Variants in TP53I3 observed in about 807,000 individuals in gnomAD.
The protein encoded by TP53I3 is quinone oxidoreductase PIG3.
In TP53I3, 32 loss-of-function variants were observed where a neutral mutation model predicts 27.7. The ratio of observed to expected loss-of-function variants is 1.16; its 90% confidence interval spans 0.87 to 1.55. The LOEUF (loss-of-function observed/expected upper bound fraction) is 1.55. Ranked by LOEUF, TP53I3 falls within the 40% of genes most tolerant of loss-of-function variation. The pLI, the probability that TP53I3 is intolerant of heterozygous loss-of-function variation, is 0.00. For missense variants in TP53I3, 372 were observed against 412.3 expected (o/e 0.90, Z 0.85); for synonymous variants, 138 against 167.8 (o/e 0.82, Z 1.37).
chr2:24,078,403 C>A (rs533431742), intron 4 of TP53I3, among the ~76,000 whole-genome samples: 1 of 151,272 alleles, frequency 6.6e-6, no homozygotes, highest in South Asian at 2.1e-4. Context: ...GGTGGTATGC[C>A]TTCAGTCTTA....
rs1664798896 is a variant in TP53I3 at position 24,077,452 on chromosome 2, T to A, written c.*127A>T. On this transcript the variant is annotated 3_prime_UTR_variant, in exon 5 of 5. Coordinates refer to ENST00000238721, the MANE Select transcript of TP53I3 (RefSeq NM_004881.5). This position sits in a 1 kb window ranked among gnomAD's most constrained non-coding sequence, Gnocchi z 5.5. ...CCACCCTTCCAGTTCACTCTTTATT[T>A]CCTCATATCAGCTTTAAACGGCTCT... 1 of 1,150,068 alleles carries A rather than the reference T, an allele frequency of 8.7e-7. No individual in the cohort carries two copies. The highest frequency in any genetic ancestry group is 1.2e-6 in the Non-Finnish European group (1 of 855,622). 71.2% of individuals were successfully genotyped at this position (1,150,068 alleles called of 1,614,324 possible).
intron 2 of TP53I3, 92 bp from the exon 3 acceptor site, chr2:24,081,123 C>T: frequency 1.1e-6 from 1 of 887,618 alleles, no homozygotes; most frequent in Non-Finnish European, 1.5e-6. Context: ...GGCCGTTGCA[C>T]CAAATGCCAA....
At chr2:24,078,861 T>C (rs1008842518) in intron 4 of TP53I3, 13 of 151,686 alleles carry the variant, frequency 8.6e-5, no homozygotes, top group African/African-American at 2.7e-4. Context: ...CCAGATGGAA[T>C]ATTTCAGGAG....
In TP53I3 at chr2:24,079,546, A is replaced by G. The variant is rs538901173; in HGVS notation, c.714T>C (p.Tyr238=). The change falls in exon 4 of 5, where the codon TAT becomes TAC. Residue 238 remains tyrosine (Y), a synonymous_variant. Transcript: ENST00000238721. ...CLALDGRWVL[Y]GLMGGGDING... ...TGATGTCACCTCCTCCCATCAGACC[A>G]TAGAGAACCCATCGACCATCAAGAG... 2 of 1,614,142 alleles carry G rather than the reference A, an allele frequency of 1.2e-6. No homozygotes were observed. The highest frequency in any genetic ancestry group is 1.3e-5 in the African/African-American group (1 of 75,030).
At chr2:24,079,747 A>G (rs1055291716) in intron 3 of TP53I3, 107 bp from the exon 4 acceptor site, 18 of 1,072,054 alleles carry the variant, frequency 1.7e-5, no homozygotes, top group African/African-American at 8.0e-5. Flanking sequence ...TGGTAAATCT[A>G]TAGGTTGGAA....
At position 24,080,701 on chromosome 2, in the gene TP53I3, G is replaced by A. The variant is rs1392381118; in HGVS notation, c.619+118C>T. ...ATAGTACTAGAATTTGGCCAGGGCA[G>A]CTGTTGTGCACTTAGCAGAGGTAAG... On this transcript the variant is annotated intron_variant, in intron 3 of 4. Coordinates refer to ENST00000238721, the MANE Select transcript of TP53I3 (RefSeq NM_004881.5). The surrounding 1 kb of genome is among the most constrained non-coding windows in gnomAD (Gnocchi z 4.7). The A allele has an allele frequency of 8.1e-7, 1 of 1,233,402 alleles. No homozygotes were observed. The highest frequency in any genetic ancestry group is 1.2e-6 in the Non-Finnish European group (1 of 859,610). 76.4% of individuals were successfully genotyped at this position (1,233,402 alleles called of 1,614,324 possible). A position where few individuals can be genotyped will look rare whatever the true frequency, so the allele number is the denominator to read the frequency against.
Position 24,077,784 on chromosome 2 carries a change from A to G in TP53I3, c.817-23T>C. 1 of 1,601,940 alleles carries G rather than the reference A, an allele frequency of 6.2e-7. No individual in the cohort carries two copies. The highest frequency in any genetic ancestry group is 8.5e-7 in the Non-Finnish European group (1 of 1,172,458). ...GTACTAAGACAAGGGAAAGGAGATC[A>G]TCAGCCTGGGGAGAGAGCCTCACCC... is the stretch of plus-strand genomic sequence containing the variant. On this transcript the variant is annotated intron_variant, in intron 4 of 4. Coordinates refer to ENST00000238721, the MANE Select transcript of TP53I3 (RefSeq NM_004881.5). This position sits in a 1 kb window ranked among gnomAD's most constrained non-coding sequence, Gnocchi z 5.5.
chr2:24,083,221 C>T, intron 1 of TP53I3, 69 bp from the exon 2 acceptor site: 1 of 1,476,378 alleles, frequency 6.8e-7, no homozygotes, highest in African/African-American at 1.4e-5. Flanking sequence ...CCCTGGCCCC[C>T]CTTCCAAGAT....
Position 24,080,640 on chromosome 2 carries a change from T to G in TP53I3, c.619+179A>C. ...AATGCACATGGAAACCATCTTAGATTTAAATATGACTGCCTGTCTCCAGTG... is the reference window on the plus strand; with the variant it reads ...AATGCACATGGAAACCATCTTAGATGTAAATATGACTGCCTGTCTCCAGTG... On this transcript the variant is annotated intron_variant, in intron 3 of 4. Transcript: ENST00000238721. This position sits in a 1 kb window ranked among gnomAD's most constrained non-coding sequence, Gnocchi z 4.7. The G allele has an allele frequency of 1.4e-6, 1 of 702,732 alleles. No individual in the cohort carries two copies. The allele number at this position is 702,732 out of a possible 1,614,324, so 43.5% of individuals were successfully genotyped here. A position where few individuals can be genotyped will look rare whatever the true frequency, so the allele number is the denominator to read the frequency against.
At position 24,079,551 on chromosome 2, in the gene TP53I3, G is replaced by T; in HGVS notation, c.709C>A (p.Leu237Ile). ...TCACCTCCTCCCATCAGACCATAGA[G>T]AACCCATCGACCATCAAGAGCCAGG... ...NCLALDGRWVLYGLMGGGDIN... is the reference protein window; with the variant it reads ...NCLALDGRWVIYGLMGGGDIN... The change falls in exon 4 of 5, where the codon CTC (leucine) becomes ATC (isoleucine). Residue 237 changes from leucine (L) to isoleucine (I), a missense_variant. Transcript: ENST00000238721. 1 of 1,614,086 alleles carries T rather than the reference G, an allele frequency of 6.2e-7. No individual in the cohort carries two copies. Among genetic ancestry groups the T allele is most frequent in the Non-Finnish European group, 8.5e-7 (1 of 1,180,028 alleles).
rs573941088 is a variant in TP53I3 at position 24,079,196 on chromosome 2, C to A, written c.816+248G>T. ...TTCCTAATATAGTCAGTGCTTTCTT[C>A]ATTCTGTTAGAATGTTCAGATAACC... is the stretch of plus-strand genomic sequence containing the variant. On this transcript the variant is annotated intron_variant, in intron 4 of 4. Transcript: ENST00000238721. 30 of 492,518 alleles carry A rather than the reference C, an allele frequency of 6.1e-5. No individual in the cohort carries two copies. In the South Asian group the frequency reaches 8.5e-4, roughly 14 times the overall value. The allele number at this position is 492,518 out of a possible 1,614,324, so 30.5% of individuals were successfully genotyped here.
chr2:24,080,652 G>C lies in TP53I3; in HGVS notation c.619+167C>G. The C allele has an allele frequency of 1.4e-6, 1 of 725,496 alleles. No individual in the cohort carries two copies. The highest frequency in any genetic ancestry group is 2.4e-6 in the Non-Finnish European group (1 of 413,798). 44.9% of individuals were successfully genotyped at this position (725,496 alleles called of 1,614,324 possible). On this transcript the variant is annotated intron_variant, in intron 3 of 4. Transcript: ENST00000238721. This position sits in a 1 kb window ranked among gnomAD's most constrained non-coding sequence, Gnocchi z 4.7. ...AACCATCTTAGATTTAAATATGACTGCCTGTCTCCAGTGGTCAAATACCAT... is the reference window on the plus strand; with the variant it reads ...AACCATCTTAGATTTAAATATGACTCCCTGTCTCCAGTGGTCAAATACCAT...
intron 2 of TP53I3, 100 bp from the exon 3 acceptor site, chr2:24,081,131 C>A: frequency 1.3e-4 from 52 of 412,358 alleles, no homozygotes; most frequent in Non-Finnish European, 1.8e-4. Context: ...CACCAAATGC[C>A]AAATCAATCT....
intron 1 of TP53I3, among the ~76,000 whole-genome samples, chr2:24,083,804 G>T (rs1340264806): frequency 1.3e-5 from 2 of 152,234 alleles, no homozygotes; most frequent in East Asian, 3.9e-4. Flanking sequence ...TTGAATCCCA[G>T]CTCTTCTGAT....
At chr2:24,083,513 G>A (rs914642586) in intron 1 of TP53I3, among the ~76,000 whole-genome samples, 1 of 152,166 alleles carries the variant, frequency 6.6e-6, no homozygotes, top group Admixed American at 6.5e-5. Context: ...ACTCACCCCA[G>A]TCCTCAGAAG....
intron 2 of TP53I3, among the ~76,000 whole-genome samples, chr2:24,082,255 A>T (rs1456517378): frequency 6.6e-6 from 1 of 152,168 alleles, no homozygotes; most frequent in Non-Finnish European, 1.5e-5. Context: ...AAGTGCTACG[A>T]TTATAGGTGT....
At chr2:24,081,519 C>G (rs571240279) in intron 2 of TP53I3, among the ~76,000 whole-genome samples, 1 of 152,294 alleles carries the variant, frequency 6.6e-6, no homozygotes, top group African/African-American at 2.4e-5. Context: ...ATGGCACTTG[C>G]ATTATGTTAC....
intron 2 of TP53I3, among the ~76,000 whole-genome samples, chr2:24,081,810 C>T (rs1230790592): frequency 6.6e-6 from 1 of 151,736 alleles, no homozygotes; most frequent in Non-Finnish European, 1.5e-5. Flanking sequence ...ATTCTCTTGC[C>T]TCAGCTTCCT....
At position 24,082,793 on chromosome 2, in the gene TP53I3, G is replaced by A. The variant is rs1558361039; in HGVS notation, c.406+92C>T. The A allele has an allele frequency of 6.9e-6, 10 of 1,456,640 alleles. No individual in the cohort carries two copies. In the East Asian group the frequency reaches 2.2e-4, roughly 32 times the overall value. The allele number at this position is 1,456,640 out of a possible 1,614,324, so 90.2% of individuals were successfully genotyped here. A position where few individuals can be genotyped will look rare whatever the true frequency, so the allele number is the denominator to read the frequency against. On this transcript the variant is annotated intron_variant, in intron 2 of 4. Coordinates refer to ENST00000238721, the MANE Select transcript of TP53I3 (RefSeq NM_004881.5). ...AATACAGGTGATACAGGAAGGCCTG[G>A]GAGTGCCCTGGGGGATTGCTGGGAT... is the stretch of plus-strand genomic sequence containing the variant.
Sources: gnomAD v4.1 joint callset for allele counts (sites outside exome capture counted in the v4.1 genomes callset) on GRCh38, gnomAD v4.1.1 for gene constraint, Gnocchi (gnomAD v3.1) non-coding constraint, MANE v1.5 for transcripts, NCBI Gene and HGNC (gene_info 2026-07-23, HGNC 2026-07-21) for gene names.